PLEKHG1: variants seen among roughly 807,000 people sequenced by gnomAD.
PLEKHG1 encodes pleckstrin homology and RhoGEF domain containing G1, also known as pleckstrin homology domain-containing family G member 1.
Under a neutral mutation model 100.8 loss-of-function variants are expected in PLEKHG1, and 44 were observed. The observed-to-expected ratio is 0.44, with a 90% CI of 0.34 to 0.56. The LOEUF (loss-of-function observed/expected upper bound fraction) is 0.56. Ranked by LOEUF, PLEKHG1 falls within the 20% of genes least tolerant of loss-of-function variation. The pLI is 0.01. For missense variants in PLEKHG1, 1,545 were observed against 1,720.9 expected, an observed-to-expected ratio of 0.90 and a Z score of 1.81; for synonymous variants, 640 against 662.5, an observed-to-expected ratio of 0.97 and a Z score of 0.52.
chr6:150,766,919 C>T (rs2128638573), intron 2 of PLEKHG1, among the ~76,000 whole-genome samples: 1 of 152,266 alleles, frequency 6.6e-6, no homozygotes, highest in African/African-American at 2.4e-5. Flanking sequence ...CCCTCCACCC[C>T]TGCCCCGCCC....
chr6:150,732,806 C>A (rs896125676), intron 1 of PLEKHG1, among the ~76,000 whole-genome samples: 1 of 152,184 alleles, frequency 6.6e-6, no homozygotes, highest in Non-Finnish European at 1.5e-5. Flanking sequence ...AGGCTTGTCT[C>A]AAACGCCTGG....
chr6:150,777,999 A>G (rs901081810), intron 3 of PLEKHG1, among the ~76,000 whole-genome samples: 7 of 152,330 alleles, frequency 4.6e-5, no homozygotes, highest in Middle Eastern at 3.4e-3. Context: ...GCGTGTTTGC[A>G]TATCTTTTAT....
chr6:150,612,059 C>CG (rs1554251538), intron 1 of PLEKHG1, among the ~76,000 whole-genome samples: 6 of 74,546 alleles, frequency 8.0e-5, no homozygotes, highest in Admixed American at 1.2e-4. Flanking sequence ...CCCCCCCCCC[C>CG]CTTTTCTAGT....
intron 12 of PLEKHG1, among the ~76,000 whole-genome samples, chr6:150,819,993 T>A (rs2090187879): frequency 6.6e-6 from 1 of 152,048 alleles, no homozygotes; most frequent in Admixed American, 6.6e-5. Flanking sequence ...GTGGGTCACC[T>A]GAGGTCAGGA....
intron 1 of PLEKHG1, among the ~76,000 whole-genome samples, chr6:150,618,797 A>C (rs1777172869): frequency 6.6e-6 from 1 of 152,260 alleles, no homozygotes; most frequent in Non-Finnish European, 1.5e-5. Context: ...AATGATGGAA[A>C]GGGAAAAACA....
chr6:150,715,490 CTTT>C (rs35466419), intron 3 of PLEKHG1, among the ~76,000 whole-genome samples: 4 of 133,446 alleles, frequency 3.0e-5, no homozygotes, highest in Non-Finnish European at 4.8e-5. Flanking sequence ...TTTTCTTTTT[CTTT>C]TTTTTTTTTT....
intron 2 of PLEKHG1, among the ~76,000 whole-genome samples, chr6:150,644,332 G>GGGTTTTT (rs1562404967): frequency 6.2e-5 from 6 of 96,562 alleles, no homozygotes; most frequent in African/African-American, 2.6e-4. Context: ...TTTTCTTTTC[G>GGGTTTTT]TGTTTTTTTT....
intron 10 of PLEKHG1, among the ~76,000 whole-genome samples, chr6:150,811,000 G>C (rs1787492988): frequency 6.6e-6 from 1 of 152,082 alleles, no homozygotes; most frequent in Non-Finnish European, 1.5e-5. Context: ...CTTAAAAGAA[G>C]ATCAAGTTAT....
At chr6:150,655,002 A>G (rs906913298) in intron 3 of PLEKHG1, among the ~76,000 whole-genome samples, 1 of 152,256 alleles carries the variant, frequency 6.6e-6, no homozygotes, top group African/African-American at 2.4e-5. Context: ...TGTTATGAAA[A>G]TGATTTTTAA....
At chr6:150,616,308 TA>T in intron 1 of PLEKHG1, among the ~76,000 whole-genome samples, 1 of 152,166 alleles carries the variant, frequency 6.6e-6, no homozygotes. Context: ...CATACCTAGT[TA>T]AAATTGAGGA....
rs188900064 is a variant in PLEKHG1 at position 150,827,707 on chromosome 6, C to G, written c.1471-2875C>G. The G allele has an allele frequency of 2.3e-4, 275 of 1,180,174 alleles. No individual in the cohort carries two copies. The East Asian group carries it at 6.3e-3, about 27-fold the overall frequency. 73.1% of individuals were successfully genotyped at this position (1,180,174 alleles called of 1,614,324 possible). On this transcript the variant is annotated intron_variant, in intron 14 of 15. Coordinates refer to ENST00000358517, the Ensembl canonical transcript of PLEKHG1. ...ACACTGAGTGGAATGACATCTTACGCAAAAAGGGTTTCTTACCCGCCAAGG... is the reference window on the plus strand; with the variant it reads ...ACACTGAGTGGAATGACATCTTACGGAAAAAGGGTTTCTTACCCGCCAAGG...
At chr6:150,805,438 T>C (rs1410475950) in intron 7 of PLEKHG1, among the ~76,000 whole-genome samples, 4 of 152,178 alleles carry the variant, frequency 2.6e-5, no homozygotes, top group Admixed American at 1.3e-4. Flanking sequence ...TGGGTGGTCT[T>C]AGGCAGGGGA....
At chr6:150,778,355 T>C (rs1785109700) in intron 3 of PLEKHG1, among the ~76,000 whole-genome samples, 1 of 152,176 alleles carries the variant, frequency 6.6e-6, no homozygotes, top group East Asian at 1.9e-4. Flanking sequence ...CTCAAACTCC[T>C]GGCCTCAGGT....
chr6:150,823,095 G>A (rs1005357037), intron 13 of PLEKHG1, among the ~76,000 whole-genome samples: 5 of 152,214 alleles, frequency 3.3e-5, no homozygotes, highest in Non-Finnish European at 7.3e-5. Context: ...GATGGGATCT[G>A]TGGAGAGGGA....
At chr6:150,646,369 C>T (rs1778498797) in intron 2 of PLEKHG1, among the ~76,000 whole-genome samples, 1 of 151,882 alleles carries the variant, frequency 6.6e-6, no homozygotes, top group African/African-American at 2.4e-5. Context: ...GAACTAATCA[C>T]AGTAATTAGG....
At chr6:150,654,681 A>G (rs1778894495) in intron 3 of PLEKHG1, among the ~76,000 whole-genome samples, 1 of 152,252 alleles carries the variant, frequency 6.6e-6, no homozygotes. Flanking sequence ...AGCCCTTCAC[A>G]TGTCTTCTAG....
intron 5 of PLEKHG1, among the ~76,000 whole-genome samples, chr6:150,797,147 C>G (rs1310597801): frequency 1.3e-5 from 2 of 151,934 alleles, no homozygotes; most frequent in Non-Finnish European, 2.9e-5. Flanking sequence ...CCCCACCAGA[C>G]TTTGAGTTAT....
chr6:150,625,157 G>A (rs1412928287), intron 1 of PLEKHG1, among the ~76,000 whole-genome samples: 2 of 151,064 alleles, frequency 1.3e-5, no homozygotes, highest in Admixed American at 6.6e-5. Flanking sequence ...AAAAAAAAAT[G>A]GATTTTTTAA....
intron 3 of PLEKHG1, chr6:150,662,535 C>T (rs1262312842): frequency 6.6e-6 from 1 of 152,246 alleles, no homozygotes; most frequent in Non-Finnish European, 1.5e-5. Flanking sequence ...CCTGCTTCAG[C>T]CTCCCGAGTA....
Sources: allele counts gnomAD v4.1 joint callset (sites outside exome capture counted in the v4.1 genomes callset), GRCh38; gene constraint gnomAD v4.1.1; transcripts MANE v1.5; gene names NCBI Gene and HGNC (gene_info 2026-07-23, HGNC 2026-07-21).